The following GCC2 variants were observed in gnomAD, a reference collection of about 807,000 sequenced individuals.
GCC2 encodes GRIP and coiled-coil domain-containing protein 2.
Under a neutral mutation model 210.6 loss-of-function variants are expected in GCC2, and 120 were observed. The ratio of observed to expected loss-of-function variants is 0.57; its 90% CI spans 0.49 to 0.66. The LOEUF is 0.66. Among genes scored for constraint, GCC2 ranks in the 30% least tolerant of loss-of-function variants. The pLI is 0.00. For missense variants in GCC2, 1,868 were observed against 1,871.9 expected, an observed-to-expected ratio of 1.00 and a Z score of 0.04; for synonymous variants, 703 against 652.7, an observed-to-expected ratio of 1.08 and a Z score of -1.17.
rs575208339 is a variant in GCC2 at position 108,449,252 on chromosome 2, G to C, written c.-23G>C. 5.9e-5 allele frequency: 91 copies of C among 1,548,760 alleles called. 1 individual carries two copies. Among genetic ancestry groups the C allele is most frequent in the Admixed American group, 5.7e-4 (29 of 50,884 alleles). ...TGCAGCGGTGGCGGCGGCTGGTTGC[G>C]GGCCGGCGGCGGGCTGGCGGAGATG... On this transcript the variant is annotated 5_prime_UTR_variant, in exon 1 of 23. Coordinates refer to ENST00000309863, the MANE Select transcript of GCC2 (RefSeq NM_181453.4).
At chr2:108,478,666 C>T (rs1681669393) in intron 9 of GCC2, among the ~76,000 whole-genome samples, 1 of 152,174 alleles carries the variant, frequency 6.6e-6, no homozygotes, top group Non-Finnish European at 1.5e-5. Context: ...TGATTAAAAT[C>T]AGAATTTCCC....
chr2:108,471,162 T>C lies in GCC2; in HGVS notation c.1833T>C (p.Asp611=), dbSNP rs2104451190. 1.9e-6 allele frequency: 3 copies of C among 1,594,644 alleles called. No individual in the cohort carries two copies. Among genetic ancestry groups the C allele is most frequent in the Non-Finnish European group, 2.6e-6 (3 of 1,167,622 alleles). The change falls in exon 6 of 23, where the codon GAT becomes GAC. Residue 611 remains aspartate, a synonymous_variant. Coordinates refer to ENST00000309863, the MANE Select transcript of GCC2 (RefSeq NM_181453.4). ...TGAAAAATTCCCATGAAGAAATGGA[T>C]AATTTCCATAAGAAATGTGAAAGGG... ...NKLKNSHEEM[D]NFHKKCEREE...
At chr2:108,476,080 T>TTG (rs1336625260) in intron 9 of GCC2, among the ~76,000 whole-genome samples, 6 of 108,708 alleles carry the variant, frequency 5.5e-5, no homozygotes, top group African/African-American at 2.0e-4. Context: ...TTTTTTTTTT[T>TTG]GATGAAGTCT....
At chr2:108,478,680 G>C (rs1220659263) in intron 9 of GCC2, among the ~76,000 whole-genome samples, 1 of 152,182 alleles carries the variant, frequency 6.6e-6, no homozygotes, top group East Asian at 1.9e-4. Flanking sequence ...ATTTCCCAAA[G>C]GGAGCCATTG....
Position 108,481,694 on chromosome 2 carries a change from A to G in GCC2, c.3061-3A>G, listed in dbSNP as rs755320115. ...CCAAAGTTAAATCCTTCTTTTATTG[A>G]AGAATCTTTTATTAGAATATGAAAA... On this transcript the variant is annotated splice_polypyrimidine_tract_variant and splice_region_variant and intron_variant, in intron 9 of 22. Coordinates refer to ENST00000309863, the MANE Select transcript of GCC2 (RefSeq NM_181453.4). 1 of 1,579,148 alleles carries G rather than the reference A, an allele frequency of 6.3e-7. No individual in the cohort carries two copies. The highest frequency in any genetic ancestry group is 1.2e-5 in the South Asian group (1 of 85,054).
intron 4 of GCC2, among the ~76,000 whole-genome samples, chr2:108,467,472 T>C (rs1449952896): frequency 6.6e-6 from 1 of 152,194 alleles, no homozygotes; most frequent in Non-Finnish European, 1.5e-5. Context: ...TCTTTATGCC[T>C]CATGTCTTAT....
At position 108,507,751 on chromosome 2, in the gene GCC2, T is replaced by C. The variant is rs181654071; in HGVS notation, c.*121T>C. 1.5e-3 allele frequency: 1,038 copies of C among 707,078 alleles called. 3 individuals are homozygous for C. Among genetic ancestry groups the C allele is most frequent in the Admixed American group, 4.6e-3 (172 of 37,300 alleles). The allele number at this position is 707,078 out of a possible 1,614,324, so 43.8% of individuals were successfully genotyped here. ...ATATGTTTGCATCTACATATATTTG[T>C]ACATCTATATGACAGATGTATTTTA... On this transcript the variant is annotated 3_prime_UTR_variant, in exon 23 of 23. Transcript: ENST00000309863.
At chr2:108,455,928 A>G (rs370730371) in intron 4 of GCC2, among the ~76,000 whole-genome samples, 2 of 152,196 alleles carry the variant, frequency 1.3e-5, no homozygotes, top group Admixed American at 6.5e-5. Context: ...ATGACTACCA[A>G]TATTGGGGTT....
intron 22 of GCC2, among the ~76,000 whole-genome samples, chr2:108,506,421 A>G (rs1283085817): frequency 6.6e-6 from 1 of 152,238 alleles, no homozygotes; most frequent in East Asian, 1.9e-4. Flanking sequence ...AAGCAGAACT[A>G]TAAGGACAGA....
At chr2:108,474,411 A>G (rs1007110917) in intron 7 of GCC2, among the ~76,000 whole-genome samples, 10 of 152,356 alleles carry the variant, frequency 6.6e-5, no homozygotes, top group African/African-American at 2.2e-4. Flanking sequence ...GATGTATCAA[A>G]TAAGATGAGT....
Position 108,471,185 on chromosome 2 carries a change from G to T in GCC2, c.1856G>T (p.Arg619Met). ...GATAATTTCCATAAGAAATGTGAAA[G>T]GGAAGAAAGATTGATTCTTGAACTT... ...EMDNFHKKCE[R>M]EERLILELGK... Residue 619 changes from arginine (R) to methionine (M), a missense_variant, in exon 6 of 23, where the codon AGG (arginine) becomes ATG (methionine). By Grantham distance (91) the Arg-to-Met change is moderately conservative (BLOSUM62 -1). Around this residue, in one of 3 missense-constraint regions of GCC2, gnomAD observed 1,847 missense variants for 1,765.2 expected, o/e 1.05. Transcript: ENST00000309863. 1 of 1,603,494 alleles carries T rather than the reference G, an allele frequency of 6.2e-7. No individual in the cohort carries two copies. The highest frequency in any genetic ancestry group is 1.1e-5 in the South Asian group (1 of 88,800).
At chr2:108,459,890 G>A (rs1053395755) in intron 4 of GCC2, among the ~76,000 whole-genome samples, 2 of 151,588 alleles carry the variant, frequency 1.3e-5, no homozygotes, top group Non-Finnish European at 2.9e-5. Flanking sequence ...AGATCACGCC[G>A]CTGCCAGGCT....
chr2:108,501,140 T>C lies in GCC2; in HGVS notation c.4984+1386T>C, dbSNP rs192972715. Reference sequence around the variant, plus strand: ...CCTCCCCAGCAGCTGGGACTACAGATGCACGCCAGCTAATTTTTCTATTTT... The same window carrying C: ...CCTCCCCAGCAGCTGGGACTACAGACGCACGCCAGCTAATTTTTCTATTTT... On this transcript the variant is annotated intron_variant, in intron 22 of 22. Transcript: ENST00000309863. Among the ~76,000 whole-genome samples, 545 of 151,700 alleles carry C rather than the reference T, an allele frequency of 3.6e-3. 2 individuals are homozygous for C. Among genetic ancestry groups the C allele is most frequent in the Middle Eastern group, 0.014 (4 of 294 alleles).
intron 9 of GCC2, among the ~76,000 whole-genome samples, chr2:108,477,825 C>T (rs185198686): frequency 6.6e-6 from 1 of 152,230 alleles, no homozygotes; most frequent in East Asian, 1.9e-4. Context: ...GTGGGTGAGT[C>T]ACTTGAGGCC....
chr2:108,482,143 C>CAT lies in GCC2; in HGVS notation c.3181-144_3181-143insAT, dbSNP rs1681893290. The CAT allele has an allele frequency of 6.9e-6, 4 of 577,964 alleles. No individual in the cohort carries two copies. The East Asian group carries it at 1.2e-4, about 17-fold the overall frequency. The allele number at this position is 577,964 out of a possible 1,614,324, so 35.8% of individuals were successfully genotyped here. On this transcript the variant is annotated intron_variant, in intron 10 of 22. Transcript: ENST00000309863. Reference sequence around the variant, plus strand: ...TCAATGACAGATTTTAAAACTGATTCTTAATATTATCGTTCTGTAGCATGG... The same window carrying CAT: ...TCAATGACAGATTTTAAAACTGATTCATTTAATATTATCGTTCTGTAGCATGG...
rs779761244 is a variant in GCC2 at position 108,469,921 on chromosome 2, A to G, written c.592A>G (p.Ile198Val). The change falls in exon 6 of 23, where the codon ATT becomes GTT. Residue 198 changes from isoleucine (I) to valine (V), a missense_variant. By Grantham distance (29) the Ile-to-Val change is conservative (BLOSUM62 3). Coordinates refer to ENST00000309863, the MANE Select transcript of GCC2 (RefSeq NM_181453.4). The part of the protein sequence containing the change: ...EKIRPGFEEQ[I>V]LYLQKQLDAT... ...AATTAGGCCAGGCTTTGAGGAGCAA[A>G]TTTTATATCTGCAAAAGCAATTAGA... 2 of 1,613,734 alleles carry G rather than the reference A, an allele frequency of 1.2e-6. No individual in the cohort carries two copies. The highest frequency in any genetic ancestry group is 3.3e-5 in the Admixed American group (2 of 60,022).
rs373308071 is a variant in GCC2, at chr2:108,488,488, A to C, written c.4052+668A>C. Among the ~76,000 whole-genome samples the C allele has an allele frequency of 7.2e-5, 11 of 152,340 alleles. No homozygotes were observed. In the South Asian group the frequency reaches 2.3e-3, roughly 32 times the overall value. On this transcript the variant is annotated intron_variant, in intron 17 of 22. Transcript: ENST00000309863. Reference sequence around the variant, plus strand: ...CAATTTTGAAAATTTAGAAGTAAAAATTAAAATGCTAAGCATACTTATTTG... The same window carrying C: ...CAATTTTGAAAATTTAGAAGTAAAACTTAAAATGCTAAGCATACTTATTTG...
intron 4 of GCC2, among the ~76,000 whole-genome samples, chr2:108,458,122 A>G (rs991290845): frequency 6.6e-6 from 1 of 152,124 alleles, no homozygotes; most frequent in Non-Finnish European, 1.5e-5. Flanking sequence ...AAGAGTTTTT[A>G]TCCTGAAGGG....
At chr2:108,469,149 G>C in intron 5 of GCC2, 65 bp downstream of exon 5, 2 of 893,936 alleles carry the variant, frequency 2.2e-6, no homozygotes, top group South Asian at 1.6e-5. Context: ...TAATTTTAGA[G>C]GTAAGACTTT....
Sources: allele counts gnomAD v4.1 joint callset (sites outside exome capture counted in the v4.1 genomes callset), GRCh38; gene constraint gnomAD v4.1.1; regional missense constraint gnomAD v4.1.1; transcripts MANE v1.5; gene names NCBI Gene and HGNC (gene_info 2026-07-23, HGNC 2026-07-21).